The following PIK3AP1 variants were observed in gnomAD, a reference collection of about 807,000 sequenced individuals.
The protein encoded by PIK3AP1 is phosphoinositide 3-kinase adapter protein 1.
In PIK3AP1, 21 loss-of-function variants were observed where a neutral mutation model predicts 88.1. The ratio of observed to expected loss-of-function variants is 0.24; its 90% CI spans 0.17 to 0.34. The LOEUF is 0.34. Ranked by LOEUF, PIK3AP1 falls within the 10% of genes least tolerant of loss-of-function variation. The pLI is 1.00. For synonymous variants in PIK3AP1, 398 were observed against 400.0 expected, an observed-to-expected ratio of 1.00 and a Z score of 0.06; for missense variants, 828 against 1,035.7, an observed-to-expected ratio of 0.80 and a Z score of 2.75.
In PIK3AP1 at chr10:96,593,768, A is replaced by G. The variant is rs927530017; in HGVS notation, c.*1809T>C. 1 of 152,200 alleles carries G rather than the reference A, an allele frequency of 6.6e-6. No homozygotes were observed. The allele number at this position is 152,200 out of a possible 1,614,324, so 9.4% of individuals were successfully genotyped here. A position where few individuals can be genotyped will look rare whatever the true frequency, so the allele number is the denominator to read the frequency against. On this transcript the variant is annotated 3_prime_UTR_variant, in exon 17 of 17. Coordinates refer to ENST00000339364, the MANE Select transcript of PIK3AP1 (RefSeq NM_152309.3). ...ATTAATTACTACAAACACTCTCGTG[A>G]TGGACATGGCCAATAGTGTATTTTG...
chr10:96,613,102 G>A (rs1332727313), intron 13 of PIK3AP1, among the ~76,000 whole-genome samples: 2 of 146,524 alleles, frequency 1.4e-5, no homozygotes, highest in Non-Finnish European at 3.0e-5. Flanking sequence ...AGGTTCAAGC[G>A]ATTCTCCTGC....
chr10:96,657,558 A>C (rs1385209749), intron 2 of PIK3AP1, among the ~76,000 whole-genome samples: 1 of 152,232 alleles, frequency 6.6e-6, no homozygotes, highest in Non-Finnish European at 1.5e-5. Context: ...GTATTGGCAC[A>C]GAATGAGATG....
intron 2 of PIK3AP1, among the ~76,000 whole-genome samples, chr10:96,681,297 A>G (rs952546154): frequency 6.6e-6 from 1 of 152,162 alleles, no homozygotes; most frequent in Non-Finnish European, 1.5e-5. Flanking sequence ...TCTATCTCCA[A>G]ATCCAGTCGG....
chr10:96,602,015 C>A (rs886541965), intron 16 of PIK3AP1, among the ~76,000 whole-genome samples: 2 of 152,176 alleles, frequency 1.3e-5, no homozygotes, highest in African/African-American at 4.8e-5. Context: ...TTCTGAGTGG[C>A]TGGGACTACA....
intron 8 of PIK3AP1, among the ~76,000 whole-genome samples, chr10:96,636,858 C>G (rs1843319221): frequency 6.6e-6 from 1 of 152,102 alleles, no homozygotes. Flanking sequence ...GAGAGAACAC[C>G]CAGGCAGGCA....
At chr10:96,606,743 C>T (rs144770270) in intron 14 of PIK3AP1, among the ~76,000 whole-genome samples, 39 of 152,342 alleles carry the variant, frequency 2.6e-4, no homozygotes, top group Admixed American at 1.0e-3. Flanking sequence ...TTCTCTCCTC[C>T]GTTACAAGGC....
At chr10:96,653,062 G>A (rs1384951841) in intron 3 of PIK3AP1, among the ~76,000 whole-genome samples, 2 of 151,926 alleles carry the variant, frequency 1.3e-5, no homozygotes, top group African/African-American at 4.8e-5. Flanking sequence ...GCAATTGGAT[G>A]GAGTCATTTT....
chr10:96,653,615 G>C (rs983552197), intron 3 of PIK3AP1, among the ~76,000 whole-genome samples: 4 of 148,114 alleles, frequency 2.7e-5, no homozygotes, highest in African/African-American at 1.0e-4. Flanking sequence ...AGCCTCCCTA[G>C]TAGCTGAGAT....
At chr10:96,619,341 G>T (rs1021675798) in intron 12 of PIK3AP1, 1 of 152,226 alleles carries the variant, frequency 6.6e-6, no homozygotes, top group African/African-American at 2.4e-5. Context: ...ATGTCAGATA[G>T]CGTAAGAACA....
chr10:96,642,729 A>T (rs114183171), intron 8 of PIK3AP1, among the ~76,000 whole-genome samples: 32 of 152,252 alleles, frequency 2.1e-4, no homozygotes, highest in African/African-American at 7.5e-4. Flanking sequence ...GCCCTGGTAA[A>T]CCTCACTGAT....
At chr10:96,645,713 G>T (rs1422706667) in intron 7 of PIK3AP1, 51 bp from the exon 8 acceptor site, 2 of 1,506,126 alleles carry the variant, frequency 1.3e-6, no homozygotes, top group African/African-American at 2.8e-5. Flanking sequence ...TGACTTTCCG[G>T]GTGGAACTTG....
At chr10:96,628,994 G>A (rs750860193) in intron 8 of PIK3AP1, among the ~76,000 whole-genome samples, 4 of 146,726 alleles carry the variant, frequency 2.7e-5, no homozygotes, top group Middle Eastern at 3.6e-3. Context: ...CTCCAGCCTC[G>A]AACTCCTGGC....
chr10:96,693,465 A>ATGGATGGATGGT, intron 2 of PIK3AP1, among the ~76,000 whole-genome samples: 1 of 152,130 alleles, frequency 6.6e-6, no homozygotes, highest in African/African-American at 2.4e-5. Context: ...GGATGGATGG[A>ATGGATGGATGGT]TGGATGATTT....
At chr10:96,612,405 T>A (rs1370359437) in intron 13 of PIK3AP1, among the ~76,000 whole-genome samples, 1 of 152,184 alleles carries the variant, frequency 6.6e-6, no homozygotes, top group Non-Finnish European at 1.5e-5. Flanking sequence ...CTAACCCAAA[T>A]TAAAGATTAC....
intron 2 of PIK3AP1, chr10:96,669,624 C>T (rs1407538985): frequency 6.6e-6 from 1 of 152,026 alleles, no homozygotes; most frequent in Non-Finnish European, 1.5e-5. Context: ...GACGCTGTCT[C>T]TACCAAAAAT....
chr10:96,603,710 A>C (rs1038690912), intron 15 of PIK3AP1: 1 of 241,270 alleles, frequency 4.1e-6, no homozygotes, highest in Non-Finnish European at 7.7e-6. Flanking sequence ...ACACACACAC[A>C]CCACATATAT....
At chr10:96,639,144 G>A (rs1438843112) in intron 8 of PIK3AP1, among the ~76,000 whole-genome samples, 1 of 152,152 alleles carries the variant, frequency 6.6e-6, no homozygotes, top group African/African-American at 2.4e-5. Flanking sequence ...TGGAGTTACT[G>A]CCACCCTGAG....
At chr10:96,717,645 GGA>G (rs1844519837) in intron 1 of PIK3AP1, among the ~76,000 whole-genome samples, 2 of 152,186 alleles carry the variant, frequency 1.3e-5, no homozygotes, top group African/African-American at 4.8e-5. Context: ...GAAGAGCCTT[GGA>G]GAGAGGGGGC....
At chr10:96,679,375 A>G (rs1286506663) in intron 2 of PIK3AP1, among the ~76,000 whole-genome samples, 3 of 152,046 alleles carry the variant, frequency 2.0e-5, no homozygotes, top group Non-Finnish European at 4.4e-5. Flanking sequence ...TAAAAATACA[A>G]AAATTAGCCA....
Sources: allele counts gnomAD v4.1 joint callset (sites outside exome capture counted in the v4.1 genomes callset), GRCh38; gene constraint gnomAD v4.1.1; transcripts MANE v1.5; gene names NCBI Gene and HGNC (gene_info 2026-07-23, HGNC 2026-07-21).